NRP1: variants seen among roughly 807,000 people sequenced by gnomAD.
The protein encoded by NRP1 is neuropilin 1.
NRP1 carries 35 observed loss-of-function variants against 106.7 expected under a neutral mutation model. The observed-to-expected ratio is 0.33, with a 90% CI of 0.25 to 0.43. NRP1 has a LOEUF of 0.43. Among genes scored for constraint, NRP1 ranks in the 20% least tolerant of loss-of-function variants. The pLI, the probability that NRP1 is intolerant of heterozygous loss-of-function variation, is 1.00. For synonymous variants in NRP1, 437 were observed against 417.9 expected, an observed-to-expected ratio of 1.05 and a Z score of -0.56; for missense variants, 1,024 against 1,170.4, an observed-to-expected ratio of 0.87 and a Z score of 1.83.
chr10:33,188,910 AAT>A lies in NRP1; in HGVS notation c.2063-2424_2063-2423del, dbSNP rs9299704. ...CCTAGGCAACAGAGACCCTGTCTTA[AAT>A]ATATATATATATATATATATATATA... is the stretch of plus-strand genomic sequence containing the variant. On this transcript the variant is annotated intron_variant, in intron 13 of 16. Transcript: ENST00000374867. Among the ~76,000 whole-genome samples the A allele has an allele frequency of 1.4e-3, 151 of 111,322 alleles. 3 individuals carry two copies. Among genetic ancestry groups the A allele is most frequent in the East Asian group, 4.7e-3 (13 of 2,786 alleles). The allele number at this position is 111,322 out of a possible 152,430, so 73.0% of individuals were successfully genotyped here. A position where few individuals can be genotyped will look rare whatever the true frequency, so the allele number is the denominator to read the frequency against.
intron 2 of NRP1, among the ~76,000 whole-genome samples, chr10:33,312,968 C>T (rs1846715402): frequency 6.6e-6 from 1 of 152,186 alleles, no homozygotes; most frequent in Non-Finnish European, 1.5e-5. Flanking sequence ...TGGTTTGCGG[C>T]TCCTGTAGTT....
chr10:33,307,519 T>C (rs1009338579), intron 2 of NRP1, among the ~76,000 whole-genome samples: 1 of 152,194 alleles, frequency 6.6e-6, no homozygotes, highest in Non-Finnish European at 1.5e-5. Flanking sequence ...AACATAGATA[T>C]AGTTTTAAAG....
At chr10:33,181,838 G>T (rs372031966) in intron 16 of NRP1, among the ~76,000 whole-genome samples, 2 of 152,182 alleles carry the variant, frequency 1.3e-5, no homozygotes, top group African/African-American at 2.4e-5. Flanking sequence ...AGTGGCTCAC[G>T]CCTGTAATCC....
intron 6 of NRP1, among the ~76,000 whole-genome samples, chr10:33,250,284 G>A (rs1841757128): frequency 1.3e-5 from 2 of 152,090 alleles, no homozygotes; most frequent in Non-Finnish European, 2.9e-5. Flanking sequence ...AGAAAAGCTG[G>A]AAACACATGA....
intron 2 of NRP1, among the ~76,000 whole-genome samples, chr10:33,326,990 T>C (rs1250715578): frequency 6.6e-6 from 1 of 152,158 alleles, no homozygotes; most frequent in African/African-American, 2.4e-5. Flanking sequence ...CAGGACTATG[T>C]AGCTGGTCTA....
intron 4 of NRP1, among the ~76,000 whole-genome samples, chr10:33,259,104 T>A (rs1842401867): frequency 6.6e-6 from 1 of 152,174 alleles, no homozygotes; most frequent in Non-Finnish European, 1.5e-5. Flanking sequence ...TGATCCTCCC[T>A]GCCACTATCA....
At chr10:33,289,984 G>T (rs971356899) in intron 2 of NRP1, among the ~76,000 whole-genome samples, 4 of 152,140 alleles carry the variant, frequency 2.6e-5, no homozygotes, top group South Asian at 4.2e-4. Context: ...TTAAATCCAG[G>T]GGCTGAGGAG....
intron 13 of NRP1, among the ~76,000 whole-genome samples, 179 bp downstream of exon 13, chr10:33,192,102 T>C (rs1055354793): frequency 6.6e-6 from 1 of 152,100 alleles, no homozygotes; most frequent in African/African-American, 2.4e-5. Context: ...ATTTGCCCTA[T>C]GCTTCTCGCT....
chr10:33,293,558 T>C (rs1421581055), intron 2 of NRP1, among the ~76,000 whole-genome samples: 1 of 152,314 alleles, frequency 6.6e-6, no homozygotes. Flanking sequence ...GTAAGTTATG[T>C]GGGCTGCTAA....
At chr10:33,199,170 G>A (rs1259577839) in intron 11 of NRP1, among the ~76,000 whole-genome samples, 5 of 151,588 alleles carry the variant, frequency 3.3e-5, no homozygotes, top group African/African-American at 9.7e-5. Context: ...AGACCTAAAT[G>A]AGAATTGGAG....
intron 2 of NRP1, among the ~76,000 whole-genome samples, chr10:33,275,451 C>T (rs1266172961): frequency 3.9e-5 from 6 of 152,148 alleles, no homozygotes; most frequent in Non-Finnish European, 8.8e-5. Flanking sequence ...ACTTGTAGTG[C>T]CAGCTACTCG....
In NRP1 at chr10:33,256,446, A is replaced by G; in HGVS notation, c.684T>C (p.Cys228=). 1 of 1,614,200 alleles carries G rather than the reference A, an allele frequency of 6.2e-7. No individual in the cohort carries two copies. Among genetic ancestry groups the G allele is most frequent in the Non-Finnish European group, 8.5e-7 (1 of 1,180,030 alleles). The change falls in exon 5 of 17, where the codon TGT becomes TGC. Residue 228 remains cysteine, a synonymous_variant. Coordinates refer to ENST00000374867, the MANE Select transcript of NRP1 (RefSeq NM_003873.7). ...PDVGPHIGRY[C]GQKTPGRIRS... is the part of the protein sequence containing the mutation. Reference sequence around the variant, plus strand: ...GGATTCGACCTGGTGTTTTCTGTCCACAGTAACGCCCAATGTGAGGGCCAA... The same window carrying G: ...GGATTCGACCTGGTGTTTTCTGTCCGCAGTAACGCCCAATGTGAGGGCCAA...
chr10:33,190,674 T>G (rs1431072568), intron 13 of NRP1, among the ~76,000 whole-genome samples: 1 of 152,154 alleles, frequency 6.6e-6, no homozygotes, highest in Non-Finnish European at 1.5e-5. Flanking sequence ...AATGCCCCCC[T>G]GGGGTACCTT....
At chr10:33,279,716 C>T (rs1843973106) in intron 2 of NRP1, among the ~76,000 whole-genome samples, 1 of 152,090 alleles carries the variant, frequency 6.6e-6, no homozygotes, top group Admixed American at 6.6e-5. Flanking sequence ...GGAATTCTGC[C>T]TACCACTAAG....
At chr10:33,262,081 T>C (rs1050151603) in intron 4 of NRP1, among the ~76,000 whole-genome samples, 1 of 152,234 alleles carries the variant, frequency 6.6e-6, no homozygotes, top group Non-Finnish European at 1.5e-5. Context: ...AATATTCTTT[T>C]GAGAATAGTA....
intron 6 of NRP1, among the ~76,000 whole-genome samples, chr10:33,234,343 G>C (rs931694539): frequency 3.9e-5 from 6 of 152,096 alleles, no homozygotes; most frequent in Non-Finnish European, 8.8e-5. Flanking sequence ...CTGGTGGCCC[G>C]TGTATGAGCT....
At chr10:33,187,170 G>A (rs1218364143) in intron 13 of NRP1, among the ~76,000 whole-genome samples, 1 of 152,030 alleles carries the variant, frequency 6.6e-6, no homozygotes, top group Non-Finnish European at 1.5e-5. Context: ...ACCACGCTGG[G>A]CCCAAGAAAC....
At chr10:33,203,709 T>C (rs1327738528) in intron 10 of NRP1, among the ~76,000 whole-genome samples, 1 of 144,124 alleles carries the variant, frequency 6.9e-6, no homozygotes, top group African/African-American at 2.5e-5. Flanking sequence ...TATCCAATAT[T>C]AATCAAAGAC....
At chr10:33,285,666 C>T (rs1417226501) in intron 2 of NRP1, among the ~76,000 whole-genome samples, 5 of 151,956 alleles carry the variant, frequency 3.3e-5, no homozygotes, top group Non-Finnish European at 4.4e-5. Flanking sequence ...CGCGTATCTA[C>T]TAAAAATACA....
Sources: gnomAD v4.1 joint callset for allele counts (sites outside exome capture counted in the v4.1 genomes callset) on GRCh38, gnomAD v4.1.1 for gene constraint, MANE v1.5 for transcripts, NCBI Gene and HGNC (gene_info 2026-07-23, HGNC 2026-07-21) for gene names.